The following ZIC4 variants were observed in gnomAD, a reference collection of about 807,000 sequenced individuals.
ZIC4 encodes the protein zinc finger protein ZIC 4.
ZIC4 carries 15 observed loss-of-function variants against 28.8 expected under a neutral mutation model. The ratio of observed to expected loss-of-function variants is 0.52; its 90% CI spans 0.35 to 0.80. The LOEUF is 0.80. ZIC4 is among the 30% of genes least tolerant of loss of function. The probability of loss-of-function intolerance (pLI) is 0.01; values close to 1 mark genes in which losing one functional copy is unlikely to be tolerated. For missense variants in ZIC4, 512 were observed against 467.1 expected (o/e 1.10, Z -0.89); for synonymous variants, 220 against 198.1 (o/e 1.11, Z -0.93).
chr3:147,392,389 A>G (rs965374816), intron 3 of ZIC4: 60 of 985,360 alleles, frequency 6.1e-5, no homozygotes, highest in Non-Finnish European at 6.6e-5. Context: ...GAGTGACAAT[A>G]TTGGCCGGAC....
At chr3:147,392,113 C>T (rs2086936732) in intron 3 of ZIC4, 1 of 985,688 alleles carries the variant, frequency 1.0e-6, no homozygotes, top group Non-Finnish European at 1.2e-6. Flanking sequence ...TCTGCCCAGA[C>T]CACCCCCACC....
chr3:147,404,846 G>A (rs1168239338), intron 1 of ZIC4, among the ~76,000 whole-genome samples: 2 of 152,228 alleles, frequency 1.3e-5, no homozygotes, highest in African/African-American at 4.8e-5. Flanking sequence ...CCCAAGGTCA[G>A]AGGTCAGCTG....
chr3:147,405,736 G>A (rs908743051), intron 1 of ZIC4: 1 of 531,528 alleles, frequency 1.9e-6, no homozygotes, highest in African/African-American at 1.9e-5. Flanking sequence ...CAGGACCAGG[G>A]TGAGGGAGGG....
intron 4 of ZIC4, among the ~76,000 whole-genome samples, chr3:147,389,562 C>T (rs1172881983): frequency 6.6e-6 from 1 of 152,064 alleles, no homozygotes; most frequent in Non-Finnish European, 1.5e-5. Flanking sequence ...TTGGGGCAGC[C>T]GCATTCTCCC....
At chr3:147,390,870 C>G in intron 4 of ZIC4, 61 bp downstream of exon 4, 2 of 1,539,044 alleles carry the variant, frequency 1.3e-6, no homozygotes, top group African/African-American at 1.4e-5. Flanking sequence ...CAGGTGGTAG[C>G]TCGGGGCTGA....
chr3:147,396,379 G>A lies in ZIC4; in HGVS notation c.161C>T (p.Ser54Phe). 6.5e-7 allele frequency: 1 copy of A among 1,531,804 alleles called. No individual in the cohort carries two copies. The highest frequency in any genetic ancestry group is 8.7e-7 in the Non-Finnish European group (1 of 1,144,134). 94.9% of individuals were successfully genotyped at this position (1,531,804 alleles called of 1,614,324 possible). ...PGLHEEPPQA[S>F]PSRPLNGLLR... ...GAGTCCATTCAAAGGACGGCTGGGG[G>A]AGGCCTGGGGAGGCTCCTCGTGGAG... The change falls in exon 3 of 5, where the codon TCC (serine) becomes TTC (phenylalanine). Residue 54 changes from serine to phenylalanine, a missense_variant. Transcript: ENST00000383075. This position sits in a 1 kb window ranked among gnomAD's most constrained non-coding sequence, Gnocchi z 4.2.
At chr3:147,405,736 G>T in intron 1 of ZIC4, 1 of 531,646 alleles carries the variant, frequency 1.9e-6, no homozygotes, top group East Asian at 3.4e-5. Context: ...CAGGACCAGG[G>T]TGAGGGAGGG....
chr3:147,402,334 G>A lies in ZIC4; in HGVS notation c.70+394C>T, dbSNP rs141210585. On this transcript the variant is annotated intron_variant, in intron 2 of 4. Transcript: ENST00000383075. The stretch of plus-strand genomic sequence containing the variant: ...CAGATCAAAGTCTGCTTCTTTCATG[G>A]AAGCCAATACATGTCAAACCTCATT... Among the ~76,000 whole-genome samples the A allele has an allele frequency of 2.2e-4, 33 of 152,234 alleles. No homozygotes were observed. In the East Asian group the frequency reaches 6.4e-3, roughly 29 times the overall value.
Position 147,396,559 on chromosome 3 carries a change from G to T in ZIC4, c.71-90C>A. The T allele has an allele frequency of 2.1e-6, 3 of 1,419,766 alleles. No homozygotes were observed. Among genetic ancestry groups the T allele is most frequent in the Non-Finnish European group, 2.8e-6 (3 of 1,081,556 alleles). 87.9% of individuals were successfully genotyped at this position (1,419,766 alleles called of 1,614,324 possible). On this transcript the variant is annotated intron_variant, in intron 2 of 4. Transcript: ENST00000383075. The surrounding 1 kb of genome is among the most constrained non-coding windows in gnomAD (Gnocchi z 4.2). ...CCCGGGGGGCAGGCCCAGCCCTGCC[G>T]CACTACGGCCTCTGCAGTCAGCCGT...
intron 1 of ZIC4, among the ~76,000 whole-genome samples, 175 bp from the exon 2 acceptor site, chr3:147,402,987 G>A (rs1214366360): frequency 6.6e-6 from 1 of 152,136 alleles, no homozygotes; most frequent in Non-Finnish European, 1.5e-5. Flanking sequence ...GCCGGGAACA[G>A]CCCATATTGC....
chr3:147,405,606 G>T (rs921971309), intron 1 of ZIC4: 3 of 908,146 alleles, frequency 3.3e-6, no homozygotes, highest in Non-Finnish European at 5.2e-6. Context: ...TAGGAGCTGC[G>T]GCCTGCTCCC....
At chr3:147,398,587 C>T (rs923542170) in intron 2 of ZIC4, among the ~76,000 whole-genome samples, 1 of 152,082 alleles carries the variant, frequency 6.6e-6, no homozygotes, top group Admixed American at 6.5e-5. Flanking sequence ...CGTCGTCCGG[C>T]GATTTAAAGG....
intron 4 of ZIC4, 128 bp downstream of exon 4, chr3:147,390,803 A>G: frequency 8.2e-7 from 1 of 1,213,834 alleles, no homozygotes; most frequent in Non-Finnish European, 1.1e-6. Context: ...GTGTGTGCGG[A>G]AGCAGCAATC....
Position 147,396,856 on chromosome 3 carries a change from C to G in ZIC4, c.71-387G>C, listed in dbSNP as rs1310049236. The G allele has an allele frequency of 5.5e-6, 1 of 180,212 alleles. No individual in the cohort carries two copies. The highest frequency in any genetic ancestry group is 2.4e-5 in the African/African-American group (1 of 42,484). The allele number at this position is 180,212 out of a possible 1,614,324, so 11.2% of individuals were successfully genotyped here. On this transcript the variant is annotated intron_variant, in intron 2 of 4. Coordinates refer to ENST00000383075, the MANE Select transcript of ZIC4 (RefSeq NM_032153.6). This position sits in a 1 kb window ranked among gnomAD's most constrained non-coding sequence, Gnocchi z 4.2. ...CCCCGGGGCTCTCCGGGGCACGATGCCCTGCGGGGAGTGGAGGTGACAGAA... is the reference window on the plus strand; with the variant it reads ...CCCCGGGGCTCTCCGGGGCACGATGGCCTGCGGGGAGTGGAGGTGACAGAA...
chr3:147,396,755 C>A lies in ZIC4; in HGVS notation c.71-286G>T. The A allele has an allele frequency of 2.8e-6, 1 of 357,406 alleles. No individual in the cohort carries two copies. The highest frequency in any genetic ancestry group is 5.0e-6 in the Non-Finnish European group (1 of 199,158). The allele number at this position is 357,406 out of a possible 1,614,324, so 22.1% of individuals were successfully genotyped here. On this transcript the variant is annotated intron_variant, in intron 2 of 4. Coordinates refer to ENST00000383075, the MANE Select transcript of ZIC4 (RefSeq NM_032153.6). This position sits in a 1 kb window ranked among gnomAD's most constrained non-coding sequence, Gnocchi z 4.2. ...GTAAGGGGTAATGGAAGGCGCAGGGCTGAGTCTGTGGGTTGCTGGGGGTTC... is the reference window on the plus strand; with the variant it reads ...GTAAGGGGTAATGGAAGGCGCAGGGATGAGTCTGTGGGTTGCTGGGGGTTC...
chr3:147,387,334 A>G lies in ZIC4; in HGVS notation c.*1525T>C, dbSNP rs1358376017. 6.6e-6 allele frequency: 1 copy of G among 152,664 alleles called. No individual in the cohort carries two copies. The highest frequency in any genetic ancestry group is 2.4e-5 in the African/African-American group (1 of 41,454). 9.5% of individuals were successfully genotyped at this position (152,664 alleles called of 1,614,324 possible). Reference sequence around the variant, plus strand: ...ATCTCTTTAGAAACGGTTTGAAACTAACGGGGCAGAGGGAGTTTGACAGAG... The same window carrying G: ...ATCTCTTTAGAAACGGTTTGAAACTGACGGGGCAGAGGGAGTTTGACAGAG... On this transcript the variant is annotated 3_prime_UTR_variant, in exon 5 of 5. Transcript: ENST00000383075.
rs1041163760 is a variant in ZIC4, at chr3:147,402,644, A to T, written c.70+84T>A. On this transcript the variant is annotated intron_variant, in intron 2 of 4. Transcript: ENST00000383075. ...ACCCAACATAAACAAAAGACAAAAC[A>T]AAACTTCCTACTTAAAAAAAAAAAA... 88 of 1,320,048 alleles carry T rather than the reference A, an allele frequency of 6.7e-5. No individual in the cohort carries two copies. The African/African-American group carries it at 9.7e-4, about 15-fold the overall frequency. The allele number at this position is 1,320,048 out of a possible 1,614,324, so 81.8% of individuals were successfully genotyped here. A position where few individuals can be genotyped will look rare whatever the true frequency, so the allele number is the denominator to read the frequency against.
chr3:147,391,063 G>C lies in ZIC4; in HGVS notation c.872C>G (p.Ser291Trp). The C allele has an allele frequency of 6.2e-7, 1 of 1,613,932 alleles. No individual in the cohort carries two copies. Among genetic ancestry groups the C allele is most frequent in the Non-Finnish European group, 8.5e-7 (1 of 1,180,032 alleles). Residue 291 changes from serine (S) to tryptophan (W), a missense_variant, in exon 4 of 5, where the codon TCG (serine) becomes TGG (tryptophan). This residue lies in a region of ZIC4 where 144 missense variants were observed against 116.8 expected (regional missense o/e 1.23). Transcript: ENST00000383075. ...LRKHMKVHGR[S>W]PPPSSGYDSA... ...ATCGTAGCCAGAGCTGGGCGGCGGC[G>C]AGCGCCCGTGCACCTTCATGTGCTT...
chr3:147,390,165 G>A (rs1030522592), intron 4 of ZIC4, among the ~76,000 whole-genome samples: 1 of 152,144 alleles, frequency 6.6e-6, no homozygotes, highest in Non-Finnish European at 1.5e-5. Flanking sequence ...GGGTGGAAGC[G>A]TCTAACCACC....
Sources: allele counts gnomAD v4.1 joint callset (sites outside exome capture counted in the v4.1 genomes callset), GRCh38; gene constraint gnomAD v4.1.1; regional missense constraint gnomAD v4.1.1; non-coding constraint Gnocchi (gnomAD v3.1); transcripts MANE v1.5; gene names NCBI Gene and HGNC (gene_info 2026-07-23, HGNC 2026-07-21).